Variants in ADAMTSL1 observed in about 807,000 individuals in gnomAD.
ADAMTSL1 encodes ADAMTS-like protein 1.
In ADAMTSL1, 126 loss-of-function variants were observed where a neutral mutation model predicts 201.8. The observed-to-expected ratio is 0.62, with a 90% CI of 0.54 to 0.72. ADAMTSL1 has a LOEUF of 0.72. ADAMTSL1 is among the 30% of genes least tolerant of loss of function. The probability of loss-of-function intolerance (pLI) is 0.00; values close to 1 mark genes in which losing one functional copy is unlikely to be tolerated. For synonymous variants in ADAMTSL1, 1,121 were observed against 903.4 expected (o/e 1.24, Z -4.32); for missense variants, 2,679 against 2,277.8 (o/e 1.18, Z -3.59).
chr9:18,383,583 A>G (rs983119468), intron 2 of ADAMTSL1, among the ~76,000 whole-genome samples: 3 of 152,134 alleles, frequency 2.0e-5, no homozygotes, highest in Non-Finnish European at 2.9e-5. Context: ...GTTACTGAGC[A>G]ATGAATAACA....
chr9:18,594,326 T>C (rs1824116908), intron 4 of ADAMTSL1, among the ~76,000 whole-genome samples: 2 of 152,142 alleles, frequency 1.3e-5, no homozygotes, highest in Admixed American at 6.6e-5. Context: ...TTATATCTGA[T>C]TGGTGACTTT....
chr9:18,781,460 A>T (rs1254894546), intron 19 of ADAMTSL1, among the ~76,000 whole-genome samples: 1 of 152,238 alleles, frequency 6.6e-6, no homozygotes, highest in Non-Finnish European at 1.5e-5. Flanking sequence ...TCAATAAGAA[A>T]TACGGCTGGA....
intron 3 of ADAMTSL1, among the ~76,000 whole-genome samples, chr9:18,552,428 T>C (rs1564039910): frequency 6.6e-6 from 1 of 151,882 alleles, no homozygotes; most frequent in Non-Finnish European, 1.5e-5. Flanking sequence ...TTATGATTTT[T>C]CCAAAATGGT....
At chr9:18,871,877 A>T (rs1000838497) in intron 23 of ADAMTSL1, among the ~76,000 whole-genome samples, 1 of 152,152 alleles carries the variant, frequency 6.6e-6, no homozygotes, top group Non-Finnish European at 1.5e-5. Context: ...TCTAAAGCCA[A>T]CCTAGATAAT....
At chr9:17,977,815 A>G (rs931167615) in intron 1 of ADAMTSL1, among the ~76,000 whole-genome samples, 2 of 152,082 alleles carry the variant, frequency 1.3e-5, no homozygotes, top group African/African-American at 4.8e-5. Flanking sequence ...TGTTGAATAG[A>G]TGTTCTATAT....
At chr9:18,670,433 C>T (rs1484270971) in intron 9 of ADAMTSL1, among the ~76,000 whole-genome samples, 1 of 152,196 alleles carries the variant, frequency 6.6e-6, no homozygotes, top group African/African-American at 2.4e-5. Flanking sequence ...CTGCTCACAT[C>T]AGCCAATCAC....
chr9:17,967,728 T>A (rs1346826236), intron 1 of ADAMTSL1, among the ~76,000 whole-genome samples: 2 of 152,168 alleles, frequency 1.3e-5, no homozygotes, highest in Non-Finnish European at 2.9e-5. Flanking sequence ...TAGAGGTCTT[T>A]TGTGTCCTAT....
At chr9:18,141,117 C>T (rs144685445) in intron 1 of ADAMTSL1, among the ~76,000 whole-genome samples, 264 of 152,266 alleles carry the variant, frequency 1.7e-3, no homozygotes, top group African/African-American at 6.0e-3. Context: ...GCCCTGGGCT[C>T]GAAGCTAGTA....
At chr9:18,649,695 G>A (rs779527533) in intron 7 of ADAMTSL1, among the ~76,000 whole-genome samples, 3 of 152,180 alleles carry the variant, frequency 2.0e-5, no homozygotes, top group Non-Finnish European at 4.4e-5. Context: ...GGTGTCTACA[G>A]AACTGCAGAT....
intron 2 of ADAMTSL1, among the ~76,000 whole-genome samples, chr9:18,172,729 T>C (rs1827956880): frequency 6.6e-6 from 1 of 152,000 alleles, no homozygotes; most frequent in South Asian, 2.1e-4. Flanking sequence ...AGAAGGTAAA[T>C]GGGAGAATAA....
At chr9:18,147,925 ATTTTAGG>A in intron 1 of ADAMTSL1, among the ~76,000 whole-genome samples, 1 of 152,098 alleles carries the variant, frequency 6.6e-6, no homozygotes, top group Non-Finnish European at 1.5e-5. Context: ...TCTCTTTGGC[ATTTTAGG>A]AAGTTTTTAC....
Position 18,332,969 on chromosome 9 carries a change from T to C in ADAMTSL1, c.207+168988T>C, listed in dbSNP as rs568375557. ...GCGTATGAGGAATAAAATGGTATTATGTACAAGAAGCACCCAACCATTGTT... is the reference window on the plus strand; with the variant it reads ...GCGTATGAGGAATAAAATGGTATTACGTACAAGAAGCACCCAACCATTGTT... On this transcript the variant is annotated intron_variant, in intron 2 of 29. Transcript: ENST00000680146. Among the ~76,000 whole-genome samples, 70 of 152,288 alleles carry C rather than the reference T, an allele frequency of 4.6e-4. No homozygotes were observed. In the South Asian group the frequency reaches 0.013, roughly 29 times the overall value.
Position 18,377,222 on chromosome 9 carries a change from C to T in ADAMTSL1, c.208-127607C>T, listed in dbSNP as rs145470905. Among the ~76,000 whole-genome samples, 136 of 152,320 alleles carry T rather than the reference C, an allele frequency of 8.9e-4. 1 individual carries two copies. In the East Asian group the frequency reaches 0.025, roughly 28 times the overall value. ...AACTCAAGGAAGTTATTTAACTTCT[C>T]TATGGACTTCTAATCTGTAAATGAG... On this transcript the variant is annotated intron_variant, in intron 2 of 29. Transcript: ENST00000680146.
intron 2 of ADAMTSL1, among the ~76,000 whole-genome samples, chr9:18,523,331 G>C (rs181189421): frequency 1.3e-5 from 2 of 152,076 alleles, no homozygotes; most frequent in East Asian, 1.9e-4. Flanking sequence ...TTTTTAGATT[G>C]TGGATATTAG....
At chr9:17,982,011 C>T (rs1294838804) in intron 1 of ADAMTSL1, among the ~76,000 whole-genome samples, 1 of 152,126 alleles carries the variant, frequency 6.6e-6, no homozygotes, top group Non-Finnish European at 1.5e-5. Context: ...AATGGCTTTC[C>T]ACTCAGATGC....
Position 18,906,672 on chromosome 9 carries a change from C to A in ADAMTSL1, c.4962-20C>A. 6.5e-7 allele frequency: 1 copy of A among 1,545,672 alleles called. No homozygotes were observed. The highest frequency in any genetic ancestry group is 1.4e-5 in the African/African-American group (1 of 73,444). On this transcript the variant is annotated intron_variant, in intron 27 of 28. Coordinates refer to ENST00000380548, the MANE Select transcript of ADAMTSL1 (RefSeq NM_001040272.6). Reference sequence around the variant, plus strand: ...GCCCCCACAGAAGCAAACCTTAACCCTGCCACCATCCTCCTGCAGGCCTGT... The same window carrying A: ...GCCCCCACAGAAGCAAACCTTAACCATGCCACCATCCTCCTGCAGGCCTGT...
intron 1 of ADAMTSL1, among the ~76,000 whole-genome samples, chr9:18,077,820 T>C (rs910958376): frequency 6.6e-5 from 10 of 152,136 alleles, no homozygotes; most frequent in African/African-American, 2.4e-4. Flanking sequence ...AAGGGGCTAA[T>C]CGGAGGAAGA....
rs1293757797 is a variant in ADAMTSL1 at position 18,412,478 on chromosome 9, A to C, written c.208-92351A>C. On this transcript the variant is annotated intron_variant, in intron 2 of 29. Transcript: ENST00000680146. ...ATCTTGCATTTATTAACTCTTTTTC[A>C]TAAAAGAACATTTCCTTGTCAACTT... Among the ~76,000 whole-genome samples, 4 of 152,174 alleles carry C rather than the reference A, an allele frequency of 2.6e-5. No individual in the cohort carries two copies. The East Asian group carries it at 7.7e-4, about 29-fold the overall frequency.
rs368227237 is a variant in ADAMTSL1, at chr9:18,870,834, A to G, written c.4250-16997A>G. 7.9e-5 allele frequency among the ~76,000 whole-genome samples: 12 copies of G among 152,200 alleles called. 1 individual carries two copies. Among genetic ancestry groups the G allele is most frequent in the Admixed American group, 6.5e-4 (10 of 15,274 alleles). Reference sequence around the variant, plus strand: ...TTTTTGTTTAGATTTTATGATTGCTATCTGCAGGAAGGTAAGTCCAACTAA... The same window carrying G: ...TTTTTGTTTAGATTTTATGATTGCTGTCTGCAGGAAGGTAAGTCCAACTAA... On this transcript the variant is annotated intron_variant, in intron 23 of 28. Coordinates refer to ENST00000380548, the MANE Select transcript of ADAMTSL1 (RefSeq NM_001040272.6).
Sources: gnomAD v4.1 joint callset for allele counts (sites outside exome capture counted in the v4.1 genomes callset) on GRCh38, gnomAD v4.1.1 for gene constraint, MANE v1.5 for transcripts, NCBI Gene and HGNC (gene_info 2026-07-23, HGNC 2026-07-21) for gene names.